The following ARHGAP12 variants were observed in gnomAD, a reference collection of about 807,000 sequenced individuals.
ARHGAP12 encodes Rho GTPase activating protein 12.
ARHGAP12 carries 64 observed loss-of-function variants against 108.6 expected under a neutral mutation model. The observed-to-expected ratio is 0.59, with a 90% CI of 0.48 to 0.73. ARHGAP12 has a LOEUF of 0.73. Ranked by LOEUF, ARHGAP12 falls within the 30% of genes least tolerant of loss-of-function variation. The pLI, the probability that ARHGAP12 is intolerant of heterozygous loss-of-function variation, is 0.00. For synonymous variants in ARHGAP12, 312 were observed against 337.2 expected, an observed-to-expected ratio of 0.93 and a Z score of 0.82; for missense variants, 940 against 1,005.9, an observed-to-expected ratio of 0.93 and a Z score of 0.89.
intron 1 of ARHGAP12, among the ~76,000 whole-genome samples, chr10:31,921,566 C>T (rs940040062): frequency 6.6e-6 from 1 of 151,258 alleles, no homozygotes; most frequent in African/African-American, 2.4e-5. Context: ...GAGTTCGATA[C>T]CAGCCTGACC....
chr10:31,915,357 G>A (rs1306484954), intron 1 of ARHGAP12, among the ~76,000 whole-genome samples: 1 of 149,556 alleles, frequency 6.7e-6, no homozygotes, highest in African/African-American at 2.5e-5. Context: ...TTGCACTCCA[G>A]CCTGGGCAAC....
At position 31,904,775 on chromosome 10, in the gene ARHGAP12, T is replaced by C. The variant is rs562652509; in HGVS notation, c.684+3397A>G. Among the ~76,000 whole-genome samples, 8 of 151,908 alleles carry C rather than the reference T, an allele frequency of 5.3e-5. No individual in the cohort carries two copies. In the East Asian group the frequency reaches 1.5e-3, roughly 29 times the overall value. On this transcript the variant is annotated intron_variant, in intron 3 of 19. Transcript: ENST00000344936. The stretch of plus-strand genomic sequence containing the variant: ...CCAAGTAGCTGGGACTACAGGCACA[T>C]GCCACTACACCCATCTAATTTTTGT...
chr10:31,829,638 A>T (rs891892852), intron 10 of ARHGAP12, among the ~76,000 whole-genome samples: 1 of 152,242 alleles, frequency 6.6e-6, no homozygotes, highest in Non-Finnish European at 1.5e-5. Context: ...ACATTTGAGA[A>T]ATGAGCAAAG....
intron 3 of ARHGAP12, 147 bp downstream of exon 3, chr10:31,908,025 C>A: frequency 1.4e-6 from 1 of 717,934 alleles, no homozygotes. Context: ...CACATATTTT[C>A]TAGATCTCTA....
Position 31,831,795 on chromosome 10 carries a change from T to C in ARHGAP12, c.1392A>G (p.Gln464=). 6.4e-7 allele frequency: 1 copy of C among 1,573,754 alleles called. No homozygotes were observed. The highest frequency in any genetic ancestry group is 8.7e-7 in the Non-Finnish European group (1 of 1,146,972). The change falls in exon 10 of 20, where the codon CAA becomes CAG. Residue 464 remains glutamine (Q), a synonymous_variant. Transcript: ENST00000344936. ...TTACATTTAATAATCCATATTTCTC[T>C]TGATCCTATGGAACAGAGTAATACT... The part of the protein sequence containing the change: ...HQDTASSPKD[Q]EKYGLLNVTK...
intron 3 of ARHGAP12, among the ~76,000 whole-genome samples, chr10:31,879,967 A>G (rs997750583): frequency 1.3e-5 from 2 of 152,204 alleles, no homozygotes; most frequent in African/African-American, 2.4e-5. Context: ...CTTATGGGAA[A>G]TAATAGGGAA....
At chr10:31,847,944 T>C (rs1021689485) in intron 6 of ARHGAP12, among the ~76,000 whole-genome samples, 2 of 152,172 alleles carry the variant, frequency 1.3e-5, no homozygotes, top group African/African-American at 4.8e-5. Flanking sequence ...ATGTTGATCA[T>C]GTATTACCAC....
chr10:31,808,588 C>T, intron 19 of ARHGAP12, 61 bp downstream of exon 19: 1 of 1,483,678 alleles, frequency 6.7e-7, no homozygotes, highest in Non-Finnish European at 9.3e-7. Context: ...ACCCTGGCCC[C>T]ACAGGCCTTC....
chr10:31,878,169 G>A (rs1000751206), intron 3 of ARHGAP12, among the ~76,000 whole-genome samples: 6 of 151,626 alleles, frequency 4.0e-5, no homozygotes, highest in Non-Finnish European at 8.8e-5. Context: ...GATACAAAAG[G>A]TAAAAGTACC....
chr10:31,845,425 C>A (rs1479483632), intron 6 of ARHGAP12, among the ~76,000 whole-genome samples: 2 of 151,896 alleles, frequency 1.3e-5, no homozygotes, highest in African/African-American at 4.8e-5. Flanking sequence ...GTAATCTCAC[C>A]GTGAAGTATG....
intron 3 of ARHGAP12, among the ~76,000 whole-genome samples, chr10:31,862,701 C>CACAG (rs199752417): frequency 1.9e-5 from 1 of 52,582 alleles, no homozygotes; most frequent in Non-Finnish European, 3.4e-5. Context: ...CGCATGCACA[C>CACAG]ACAGACACAC....
intron 3 of ARHGAP12, among the ~76,000 whole-genome samples, chr10:31,886,361 ATGTGTT>A (rs1385108508): frequency 6.6e-6 from 1 of 152,160 alleles, no homozygotes; most frequent in African/African-American, 2.4e-5. Flanking sequence ...ACAATTATCT[ATGTGTT>A]TGTGTGTATA....
intron 18 of ARHGAP12, 73 bp from the exon 19 acceptor site, chr10:31,808,824 G>A: frequency 1.3e-6 from 2 of 1,508,656 alleles, no homozygotes; most frequent in Non-Finnish European, 1.8e-6. Flanking sequence ...CAGTTTGGAA[G>A]CTGATATTTG....
At chr10:31,900,173 C>T (rs961784426) in intron 3 of ARHGAP12, among the ~76,000 whole-genome samples, 2 of 152,160 alleles carry the variant, frequency 1.3e-5, no homozygotes, top group African/African-American at 4.8e-5. Flanking sequence ...AGATACTTTA[C>T]ATGTATTAGA....
At chr10:31,889,619 G>GT (rs869116452) in intron 3 of ARHGAP12, among the ~76,000 whole-genome samples, 9,812 of 66,546 alleles carry the variant, frequency 0.15, 1,852 homozygotes, top group Non-Finnish European at 0.2. Flanking sequence ...AATTTTTCTC[G>GT]TTTTTTTTTT....
At chr10:31,895,505 T>A (rs1167007584) in intron 3 of ARHGAP12, among the ~76,000 whole-genome samples, 1 of 152,196 alleles carries the variant, frequency 6.6e-6, no homozygotes, top group Non-Finnish European at 1.5e-5. Flanking sequence ...TCACCATCAC[T>A]GGCCATCAGA....
chr10:31,821,015 A>C (rs900048297), intron 11 of ARHGAP12, among the ~76,000 whole-genome samples: 2 of 152,158 alleles, frequency 1.3e-5, no homozygotes, highest in Non-Finnish European at 2.9e-5. Flanking sequence ...TGTAATAAAC[A>C]GTATCAGGTA....
At chr10:31,913,211 A>T in intron 1 of ARHGAP12, 1 of 153,812 alleles carries the variant, frequency 6.5e-6, no homozygotes, top group East Asian at 1.9e-4. Flanking sequence ...ACTTGCCAGG[A>T]GGAGCACAGG....
At chr10:31,821,255 G>A (rs1835406599) in intron 11 of ARHGAP12, among the ~76,000 whole-genome samples, 1 of 152,054 alleles carries the variant, frequency 6.6e-6, no homozygotes, top group South Asian at 2.1e-4. Context: ...AGTTGTTACG[G>A]GTGGGTTCAG....
Sources: gnomAD v4.1 joint callset for allele counts (sites outside exome capture counted in the v4.1 genomes callset) on GRCh38, gnomAD v4.1.1 for gene constraint, MANE v1.5 for transcripts, NCBI Gene and HGNC (gene_info 2026-07-23, HGNC 2026-07-21) for gene names.